FGD5: variants seen among roughly 807,000 people sequenced by gnomAD.
FGD5 encodes FYVE, RhoGEF and PH domain-containing protein 5.
A neutral mutation model predicts 133.4 loss-of-function variants in FGD5; 28 were observed. The observed-to-expected ratio is 0.21, with a 90% CI of 0.16 to 0.29. FGD5 has a LOEUF of 0.29. Among genes scored for constraint, FGD5 ranks in the 10% least tolerant of loss-of-function variants. The pLI is 1.00. For synonymous variants in FGD5, 810 were observed against 776.5 expected, an observed-to-expected ratio of 1.04 and a Z score of -0.72; for missense variants, 1,858 against 1,895.2, an observed-to-expected ratio of 0.98 and a Z score of 0.36.
chr3:14,853,027 C>T (rs1321364679), intron 1 of FGD5, among the ~76,000 whole-genome samples: 2 of 151,856 alleles, frequency 1.3e-5, no homozygotes, highest in Non-Finnish European at 2.9e-5. Flanking sequence ...AGGACAGCCA[C>T]GACGTAGCCC....
In FGD5 at chr3:14,820,822, C is replaced by T. The variant is rs148510404; in HGVS notation, c.1751C>T (p.Ser584Phe). The change falls in exon 1 of 20, where the codon TCT (serine) becomes TTT (phenylalanine). Residue 584 changes from serine (S) to phenylalanine (F), a missense_variant. Coordinates refer to ENST00000285046, the MANE Select transcript of FGD5 (RefSeq NM_152536.4). ...ATAAAGAGGAAAGAGGACAATCTCT[C>T]TCTGTCGTGTGTAATTGGCTCCTCT... ...HRIKRKEDNL[S>F]LSCVIGSSGS... 3 of 1,613,874 alleles carry T rather than the reference C, an allele frequency of 1.9e-6. No individual in the cohort carries two copies. Among genetic ancestry groups the T allele is most frequent in the East Asian group, 2.2e-5 (1 of 44,852 alleles).
In FGD5 at chr3:14,820,985, C is replaced by T. The variant is rs1461008804; in HGVS notation, c.1914C>T (p.Ile638=). The T allele has an allele frequency of 1.6e-5, 26 of 1,613,900 alleles. No homozygotes were observed. The highest frequency in any genetic ancestry group is 2.0e-5 in the Non-Finnish European group (24 of 1,179,878). Residue 638 remains isoleucine (I), a synonymous_variant, in exon 1 of 20, where the codon ATC becomes ATT. Coordinates refer to ENST00000285046, the MANE Select transcript of FGD5 (RefSeq NM_152536.4). ...CAAAGAGCTCTCCCTCACTCCTGAT[C>T]GAGAGCGACTCCCCGGACAAGTACA... ...PITKSSPSLL[I]ESDSPDKYKK...
intron 1 of FGD5, among the ~76,000 whole-genome samples, chr3:14,829,781 C>T (rs545800475): frequency 6.2e-4 from 95 of 152,270 alleles, no homozygotes; most frequent in South Asian, 2.3e-3. Flanking sequence ...TGGAATCTAG[C>T]GCAAAATCTA....
rs1275123975 is a variant in FGD5 at position 14,933,940 on chromosome 3, T to C, written c.*773T>C. 2.0e-5 allele frequency: 3 copies of C among 152,284 alleles called. No individual in the cohort carries two copies. The highest frequency in any genetic ancestry group is 4.4e-5 in the Non-Finnish European group (3 of 68,100). The allele number at this position is 152,284 out of a possible 1,614,324, so 9.4% of individuals were successfully genotyped here. A position where few individuals can be genotyped will look rare whatever the true frequency, so the allele number is the denominator to read the frequency against. On this transcript the variant is annotated 3_prime_UTR_variant, in exon 20 of 20. Coordinates refer to ENST00000285046, the MANE Select transcript of FGD5 (RefSeq NM_152536.4). ...AGAGCAGTCCTCAACACTATGTCAGTGCTGGAAATGCAGCCACTGGCAGAT... is the reference window on the plus strand; with the variant it reads ...AGAGCAGTCCTCAACACTATGTCAGCGCTGGAAATGCAGCCACTGGCAGAT...
At position 14,915,684 on chromosome 3, in the gene FGD5, G is replaced by T. The variant is rs866324269; in HGVS notation, c.3406-1565G>T. 1.1e-4 allele frequency among the ~76,000 whole-genome samples: 16 copies of T among 152,278 alleles called. No homozygotes were observed. In the Middle Eastern group the frequency reaches 0.017, roughly 162 times the overall value. On this transcript the variant is annotated intron_variant, in intron 11 of 19. Transcript: ENST00000285046. Reference sequence around the variant, plus strand: ...CATTTTGTGTACAGAGCTCACCCTAGTTCATGTTGGCATCGTGTGTACAGG... The same window carrying T: ...CATTTTGTGTACAGAGCTCACCCTATTTCATGTTGGCATCGTGTGTACAGG...
At chr3:14,924,165 G>A (rs2038744677) in intron 17 of FGD5, 27 bp downstream of exon 17, 1 of 1,613,778 alleles carries the variant, frequency 6.2e-7, no homozygotes, top group Non-Finnish European at 8.5e-7. Flanking sequence ...TACCCAAGTG[G>A]GAAGTAGGGC....
intron 1 of FGD5, among the ~76,000 whole-genome samples, chr3:14,811,780 A>G (rs2036298224): frequency 6.6e-6 from 1 of 152,218 alleles, no homozygotes; most frequent in Non-Finnish European, 1.5e-5. Flanking sequence ...AGGGGAGGGC[A>G]GAAAGTTCCC....
chr3:14,919,617 CAAAACAAAAACA>C (rs367786402), intron 13 of FGD5, among the ~76,000 whole-genome samples: 72 of 152,192 alleles, frequency 4.7e-4, no homozygotes, highest in African/African-American at 1.6e-3. Flanking sequence ...GACTCCGTCT[CAAAACAAAAACA>C]AAAACAAAAA....
intron 2 of FGD5, among the ~76,000 whole-genome samples, chr3:14,869,109 A>G (rs1016850342): frequency 6.6e-6 from 1 of 152,192 alleles, no homozygotes; most frequent in Non-Finnish European, 1.5e-5. Flanking sequence ...CCTAGCTCAC[A>G]TGGTCAAACC....
At chr3:14,827,291 T>C (rs115224318) in intron 1 of FGD5, among the ~76,000 whole-genome samples, 2,705 of 146,862 alleles carry the variant, frequency 0.018, 62 homozygotes, top group Non-Finnish European at 0.025. Flanking sequence ...CTTTTTTTTT[T>C]TTTTTTTTTT....
rs747591975 is a variant in FGD5, at chr3:14,820,616, C to T, written c.1545C>T (p.Ala515=). 38 of 1,605,518 alleles carry T rather than the reference C, an allele frequency of 2.4e-5. No homozygotes were observed. The highest frequency in any genetic ancestry group is 1.3e-4 in the East Asian group (6 of 44,820). Residue 515 remains alanine, a synonymous_variant, in exon 1 of 20, where the codon GCC becomes GCT. Coordinates refer to ENST00000285046, the MANE Select transcript of FGD5 (RefSeq NM_152536.4). ...AGSSAPGIGG[A]AEEVGKTLLS... The stretch of plus-strand genomic sequence containing the variant: ...CGTCAGCCCCTGGCATTGGAGGTGC[C>T]GCAGAGGAGGTGGGAAAGACGCTTT...
Position 14,922,415 on chromosome 3 carries a change from G to A in FGD5, c.3674G>A (p.Arg1225Gln), listed in dbSNP as rs1411878944. 12 of 1,565,636 alleles carry A rather than the reference G, an allele frequency of 7.7e-6. No individual in the cohort carries two copies. Among genetic ancestry groups the A allele is most frequent in the South Asian group, 1.2e-5 (1 of 84,832 alleles). Residue 1225 changes from arginine (R) to glutamine (Q), a missense_variant, in exon 15 of 20, where the codon CGA becomes CAA. Transcript: ENST00000285046. This position sits in a 1 kb window ranked among gnomAD's most constrained non-coding sequence, Gnocchi z 4.1. The part of the protein sequence containing the change: ...LAAFHHSVEI[R>Q]ERLGVSLGER... ...CAGCCAATTCTGTTGCTGCAGATAC[G>A]AGAGAGGCTGGGGGTTAGCCTTGGG...
intron 1 of FGD5, among the ~76,000 whole-genome samples, chr3:14,854,389 T>TTTA (rs1553625405): frequency 5.1e-5 from 7 of 137,612 alleles, no homozygotes; most frequent in African/African-American, 1.9e-4. Flanking sequence ...TTTCTTTTCT[T>TTTA]TTTATTTATT....
At chr3:14,878,554 G>A (rs931123713) in intron 2 of FGD5, among the ~76,000 whole-genome samples, 1 of 152,166 alleles carries the variant, frequency 6.6e-6, no homozygotes, top group Non-Finnish European at 1.5e-5. Context: ...CCAAGTGTGA[G>A]AGATTCTCTA....
At chr3:14,914,322 G>A (rs1442210021) in intron 11 of FGD5, among the ~76,000 whole-genome samples, 4 of 152,238 alleles carry the variant, frequency 2.6e-5, no homozygotes, top group Non-Finnish European at 4.4e-5. Flanking sequence ...ACCAGGCAGC[G>A]ACGTCCTTGA....
At chr3:14,810,716 G>A (rs2125061209), upstream of FGD5, 1 of 809,282 alleles carries the variant, frequency 1.2e-6, no homozygotes, top group African/African-American at 1.9e-5. Flanking sequence ...CGGAGTCCGA[G>A]GCGCGCCGGG....
intron 2 of FGD5, among the ~76,000 whole-genome samples, chr3:14,873,192 A>G (rs1602300): frequency 0.14 from 21,890 of 152,144 alleles, 1,902 homozygotes; most frequent in East Asian, 0.39. Flanking sequence ...ATGACTGGGA[A>G]CTCAATCTTT....
Position 14,921,923 on chromosome 3 carries a change from G to T in FGD5, c.3575G>T (p.Cys1192Phe), listed in dbSNP as rs953477622. Residue 1192 changes from cysteine to phenylalanine, a missense_variant, in exon 14 of 20, where the codon TGT (cysteine) becomes TTT (phenylalanine). Around this residue, in one of 3 missense-constraint regions of FGD5, gnomAD observed 1,824 missense variants for 1,848.9 expected, o/e 0.99. Transcript: ENST00000285046. ...ACTCCAGCCCATGCCCGCAGCTCCTGTGCAGAGAGGGACGAGTGGTATGGC... is the reference window on the plus strand; with the variant it reads ...ACTCCAGCCCATGCCCGCAGCTCCTTTGCAGAGAGGGACGAGTGGTATGGC... ...ESCLMLSASS[C>F]AERDEWYGCL... 1.9e-6 allele frequency: 3 copies of T among 1,566,138 alleles called. No individual in the cohort carries two copies. The highest frequency in any genetic ancestry group is 2.7e-5 in the African/African-American group (2 of 73,734).
At chr3:14,902,595 G>A (rs2038261477) in intron 9 of FGD5, among the ~76,000 whole-genome samples, 1 of 152,138 alleles carries the variant, frequency 6.6e-6, no homozygotes, top group Non-Finnish European at 1.5e-5. Context: ...TTTCCATGTG[G>A]GTCAGACATG....
Sources: gnomAD v4.1 joint callset for allele counts (sites outside exome capture counted in the v4.1 genomes callset) on GRCh38, gnomAD v4.1.1 for gene constraint, gnomAD v4.1.1 regional missense constraint, Gnocchi (gnomAD v3.1) non-coding constraint, MANE v1.5 for transcripts, NCBI Gene and HGNC (gene_info 2026-07-23, HGNC 2026-07-21) for gene names.